Variants in FGF12 observed in about 807,000 individuals in gnomAD.
The protein encoded by FGF12 is fibroblast growth factor 12B.
FGF12 carries 14 observed loss-of-function variants against 23.6 expected under a neutral mutation model. The ratio of observed to expected loss-of-function variants is 0.59; its 90% CI spans 0.39 to 0.93. The LOEUF (loss-of-function observed/expected upper bound fraction) is 0.93, where lower values mean the gene tolerates loss of function less well. FGF12 is among the 40% of genes least tolerant of loss of function. The pLI is 0.00. For missense variants in FGF12, 175 were observed against 217.8 expected (o/e 0.80, Z 1.24); for synonymous variants, 62 against 77.3 (o/e 0.80, Z 1.04).
chr3:192,408,999 G>C lies in FGF12; in HGVS notation c.14-48461C>G. The C allele has an allele frequency of 1.0e-5, 10 of 984,470 alleles. No individual in the cohort carries two copies. Among genetic ancestry groups the C allele is most frequent in the Non-Finnish European group, 1.2e-5 (10 of 829,444 alleles). The allele number at this position is 984,470 out of a possible 1,614,324, so 61.0% of individuals were successfully genotyped here. On this transcript the variant is annotated intron_variant, in intron 2 of 5. Transcript: ENST00000445105. The surrounding 1 kb of genome is among the most constrained non-coding windows in gnomAD (Gnocchi z 7.3). ...CGGAGTCTGGGTAGGGGCGCGGGGC[G>C]GGGGCAGCTGTTTCCAGCTGCGGTG... is the stretch of plus-strand genomic sequence containing the variant.
chr3:192,482,377 T>C (rs896399097), intron 2 of FGF12, among the ~76,000 whole-genome samples: 1 of 152,278 alleles, frequency 6.6e-6, no homozygotes, highest in Admixed American at 6.5e-5. Flanking sequence ...CTCATGCCTG[T>C]AATCCTAGCA....
chr3:192,432,902 C>T (rs1243604307), intron 2 of FGF12, among the ~76,000 whole-genome samples: 1 of 152,088 alleles, frequency 6.6e-6, no homozygotes, highest in Non-Finnish European at 1.5e-5. Flanking sequence ...CATGAGAGAA[C>T]TATTACACCT....
intron 2 of FGF12, among the ~76,000 whole-genome samples, chr3:192,462,429 T>C (rs1722891744): frequency 1.3e-5 from 2 of 152,282 alleles, no homozygotes; most frequent in African/African-American, 4.8e-5. Context: ...TATGGCAGGA[T>C]GCTCAGCCCC....
intron 2 of FGF12, among the ~76,000 whole-genome samples, chr3:192,611,639 A>G (rs1448592372): frequency 6.6e-6 from 1 of 152,006 alleles, no homozygotes; most frequent in Admixed American, 6.6e-5. Context: ...GGTTTCAGAA[A>G]GAAGAACAGA....
At chr3:192,419,791 G>T (rs1250017646) in intron 2 of FGF12, among the ~76,000 whole-genome samples, 2 of 152,162 alleles carry the variant, frequency 1.3e-5, no homozygotes, top group East Asian at 1.9e-4. Context: ...GATTCAAGGA[G>T]ATAGTCACGG....
In FGF12 at chr3:192,141,130, A is replaced by AAAAC. The variant is rs1252448076; in HGVS notation, c.*2878_*2879insGTTT. The AAAAC allele has an allele frequency of 4.3e-4, 59 of 137,212 alleles. 2 individuals carry two copies. The highest frequency in any genetic ancestry group is 1.5e-3 in the African/African-American group (50 of 33,598). The allele number at this position is 137,212 out of a possible 1,614,324, so 8.5% of individuals were successfully genotyped here. On this transcript the variant is annotated 3_prime_UTR_variant, in exon 6 of 6. Coordinates refer to ENST00000445105, the MANE Select transcript of FGF12 (RefSeq NM_004113.6). ...TGGGAAAAATCCCAATGCAACTCCA[A>AAAAC]AAAAAAAAAAAAAAAAAAAAAAAAG...
chr3:192,414,690 GAGT>G (rs1721291272), intron 2 of FGF12, among the ~76,000 whole-genome samples: 4 of 152,156 alleles, frequency 2.6e-5, no homozygotes, highest in African/African-American at 9.7e-5. Context: ...GAAGATCTAT[GAGT>G]TTAATCCAGG....
At chr3:192,704,154 G>C (rs2108732461) in intron 2 of FGF12, among the ~76,000 whole-genome samples, 1 of 152,250 alleles carries the variant, frequency 6.6e-6, no homozygotes, top group African/African-American at 2.4e-5. Flanking sequence ...ACTTTGCCCA[G>C]ATCCATCAGA....
At chr3:192,454,077 C>T (rs530357472) in intron 2 of FGF12, among the ~76,000 whole-genome samples, 2 of 151,574 alleles carry the variant, frequency 1.3e-5, no homozygotes, top group African/African-American at 2.4e-5. Context: ...CTAGCTCTGT[C>T]GCCCAGGCTG....
intron 2 of FGF12, among the ~76,000 whole-genome samples, chr3:192,482,104 A>C (rs1723496327): frequency 6.6e-6 from 1 of 152,162 alleles, no homozygotes; most frequent in Non-Finnish European, 1.5e-5. Flanking sequence ...TGGTAAGAAC[A>C]TTGCACCTCA....
intron 2 of FGF12, among the ~76,000 whole-genome samples, chr3:192,664,414 C>A (rs1716778462): frequency 6.6e-6 from 1 of 151,842 alleles, no homozygotes; most frequent in African/African-American, 2.4e-5. Context: ...ACTAAAACTA[C>A]CACCAGCATT....
chr3:192,279,295 G>T (rs1577313957), intron 4 of FGF12, among the ~76,000 whole-genome samples: 2 of 148,202 alleles, frequency 1.3e-5, no homozygotes, highest in African/African-American at 2.6e-5. Flanking sequence ...AACCTAGACA[G>T]CCACTCTGTG....
chr3:192,564,515 T>C (rs1361514466), intron 2 of FGF12, among the ~76,000 whole-genome samples: 1 of 152,196 alleles, frequency 6.6e-6, no homozygotes, highest in African/African-American at 2.4e-5. Flanking sequence ...GCAGGTGATA[T>C]GTGATATGTC....
At position 192,725,881 on chromosome 3, in the gene FGF12, T is replaced by C. The variant is rs539880862; in HGVS notation, c.13+1300A>G. On this transcript the variant is annotated intron_variant, in intron 2 of 5. Coordinates refer to ENST00000445105, the MANE Select transcript of FGF12 (RefSeq NM_004113.6). ...GAGTTAATAATATATGCCTCAAATATACTTATAGACATGGATTCTCTCATA... is the reference window on the plus strand; with the variant it reads ...GAGTTAATAATATATGCCTCAAATACACTTATAGACATGGATTCTCTCATA... Among the ~76,000 whole-genome samples, 8 of 152,324 alleles carry C rather than the reference T, an allele frequency of 5.3e-5. No individual in the cohort carries two copies. The South Asian group carries it at 8.3e-4, about 16-fold the overall frequency.
At chr3:192,211,917 CG>C (rs1560194173) in intron 4 of FGF12, among the ~76,000 whole-genome samples, 1 of 152,054 alleles carries the variant, frequency 6.6e-6, no homozygotes, top group African/African-American at 2.4e-5. Flanking sequence ...TAGGAAAACA[CG>C]AAAGTTTAGA....
chr3:192,530,690 GT>G (rs1725064931), intron 2 of FGF12, among the ~76,000 whole-genome samples: 1 of 152,156 alleles, frequency 6.6e-6, no homozygotes, highest in African/African-American at 2.4e-5. Context: ...TGGGCATGGA[GT>G]TTTTTTCTGA....
intron 2 of FGF12, among the ~76,000 whole-genome samples, chr3:192,655,629 C>T (rs138845896): frequency 6.6e-6 from 1 of 152,006 alleles, no homozygotes; most frequent in Non-Finnish European, 1.5e-5. Context: ...ACTGATGAGT[C>T]CCCCAAAATA....
At chr3:192,460,682 T>TA (rs1722837932) in intron 2 of FGF12, among the ~76,000 whole-genome samples, 5 of 142,446 alleles carry the variant, frequency 3.5e-5, no homozygotes, top group East Asian at 2.1e-4. Flanking sequence ...ACACATATAT[T>TA]TATATATATA....
intron 4 of FGF12, among the ~76,000 whole-genome samples, chr3:192,252,496 AAAGAGAAGAGAAGAC>A (rs1460973251): frequency 6.8e-6 from 1 of 147,816 alleles, no homozygotes; most frequent in Non-Finnish European, 1.5e-5. Flanking sequence ...AAAAAAAAGA[AAAGAGAAGAGAAGAC>A]AAGAGAAGAC....
Sources: gnomAD v4.1 joint callset for allele counts (sites outside exome capture counted in the v4.1 genomes callset) on GRCh38, gnomAD v4.1.1 for gene constraint, Gnocchi (gnomAD v3.1) non-coding constraint, MANE v1.5 for transcripts, NCBI Gene and HGNC (gene_info 2026-07-23, HGNC 2026-07-21) for gene names.